TRAPPC8: variants seen among roughly 807,000 people sequenced by gnomAD.
TRAPPC8 encodes the protein general sporulation gene 1 homolog.
A neutral mutation model predicts 174.3 loss-of-function variants in TRAPPC8; 54 were observed. That is an observed-to-expected ratio of 0.31 (90% CI 0.25 to 0.39). The LOEUF (loss-of-function observed/expected upper bound fraction) is 0.39, where lower values mean the gene tolerates loss of function less well. Among genes scored for constraint, TRAPPC8 ranks in the 10% least tolerant of loss-of-function variants. The pLI is 1.00. For synonymous variants in TRAPPC8, 630 were observed against 579.9 expected, an observed-to-expected ratio of 1.09 and a Z score of -1.24; for missense variants, 1,531 against 1,699.1, an observed-to-expected ratio of 0.90 and a Z score of 1.74.
In TRAPPC8 at chr18:31,842,281, AAC is replaced by A. The variant is rs145924851; in HGVS notation, c.3838-2826_3838-2825del. On this transcript the variant is annotated intron_variant, in intron 26 of 28. Transcript: ENST00000283351. ...GTAATGGTGAGATGTTAATCACTACAACACAGTTAATGTGGATGAATGCCAAT... is the reference window on the plus strand; with the variant it reads ...GTAATGGTGAGATGTTAATCACTACAACAGTTAATGTGGATGAATGCCAAT... 8.5e-3 allele frequency among the ~76,000 whole-genome samples: 1,292 copies of A among 152,336 alleles called. 19 individuals carry two copies. The highest frequency in any genetic ancestry group is 0.029 in the African/African-American group (1,190 of 41,576).
At chr18:31,910,434 AAG>A (rs1438583176) in intron 5 of TRAPPC8, among the ~76,000 whole-genome samples, 1 of 152,202 alleles carries the variant, frequency 6.6e-6, no homozygotes, top group Non-Finnish European at 1.5e-5. Context: ...CTCCTTGAGA[AAG>A]AGTTGCAGAA....
Position 31,831,003 on chromosome 18 carries a change from A to G in TRAPPC8, c.4074-14T>C. ...AGTGCTTCTGGACTAAGGGAGGAGGAAAATGTAAGTTGCAGGATTTTTTTC... is the reference window on the plus strand; with the variant it reads ...AGTGCTTCTGGACTAAGGGAGGAGGGAAATGTAAGTTGCAGGATTTTTTTC... On this transcript the variant is annotated splice_polypyrimidine_tract_variant and intron_variant, in intron 28 of 28. Coordinates refer to ENST00000283351, the MANE Select transcript of TRAPPC8 (RefSeq NM_014939.5). 1 of 1,583,734 alleles carries G rather than the reference A, an allele frequency of 6.3e-7. No homozygotes were observed. Among genetic ancestry groups the G allele is most frequent in the East Asian group, 2.2e-5 (1 of 44,448 alleles).
chr18:31,857,343 G>T (rs2034075571), intron 20 of TRAPPC8, among the ~76,000 whole-genome samples, 197 bp downstream of exon 20: 1 of 152,090 alleles, frequency 6.6e-6, no homozygotes, highest in African/African-American at 2.4e-5. Context: ...AAAAATGTGT[G>T]CCGTTAAATT....
chr18:31,933,020 A>AAAAAAAAAAAAG (rs1568153937), intron 1 of TRAPPC8, among the ~76,000 whole-genome samples: 3 of 128,954 alleles, frequency 2.3e-5, no homozygotes, highest in African/African-American at 9.2e-5. Flanking sequence ...AAAAAAAAAA[A>AAAAAAAAAAAAG]GCCGGGCGCA....
chr18:31,834,088 G>GGTTGTTGTT (rs35486513), intron 27 of TRAPPC8, among the ~76,000 whole-genome samples: 46 of 149,028 alleles, frequency 3.1e-4, no homozygotes, highest in African/African-American at 1.1e-3. Context: ...ATCACATTTT[G>GGTTGTTGTT]GTTGTTGTTG....
intron 10 of TRAPPC8, 119 bp downstream of exon 10, chr18:31,900,806 C>A (rs899051413): frequency 1.5e-4 from 109 of 725,182 alleles, no homozygotes; most frequent in Non-Finnish European, 1.7e-4. Context: ...TTAAAAATCA[C>A]CTCAACTTGT....
intron 27 of TRAPPC8, among the ~76,000 whole-genome samples, chr18:31,839,103 A>G (rs914844149): frequency 7.2e-5 from 11 of 152,216 alleles, no homozygotes; most frequent in South Asian, 2.1e-4. Context: ...AAAATTACAA[A>G]TATATCACAT....
intron 27 of TRAPPC8, among the ~76,000 whole-genome samples, chr18:31,836,681 A>C (rs1312627989): frequency 1.3e-5 from 2 of 152,110 alleles, no homozygotes; most frequent in African/African-American, 4.8e-5. Context: ...ACTTAAGAAA[A>C]TCCAGATGCC....
chr18:31,862,852 G>A (rs1428562005), intron 19 of TRAPPC8, among the ~76,000 whole-genome samples: 2 of 152,022 alleles, frequency 1.3e-5, no homozygotes, highest in Non-Finnish European at 2.9e-5. Flanking sequence ...TCAGGAGATT[G>A]AGACCATCCT....
intron 2 of TRAPPC8, among the ~76,000 whole-genome samples, chr18:31,927,681 G>A (rs2037675625): frequency 1.3e-5 from 2 of 152,186 alleles, no homozygotes; most frequent in Non-Finnish European, 2.9e-5. Context: ...GGGATTAGAG[G>A]CCTGAGCGAC....
At chr18:31,867,598 A>ACGGCGC in intron 16 of TRAPPC8, 122 bp from the exon 17 acceptor site, 1 of 672,096 alleles carries the variant, frequency 1.5e-6, no homozygotes. Flanking sequence ...CTTGGTTTTT[A>ACGGCGC]CCACATGCTG....
At chr18:31,854,274 T>C (rs189854095) in intron 21 of TRAPPC8, among the ~76,000 whole-genome samples, 1 of 152,314 alleles carries the variant, frequency 6.6e-6, no homozygotes, top group Admixed American at 6.5e-5. Flanking sequence ...ATCAAAATTA[T>C]GGCATTTTCT....
chr18:31,880,887 T>A (rs1391201488), intron 12 of TRAPPC8, among the ~76,000 whole-genome samples: 6 of 151,814 alleles, frequency 4.0e-5, no homozygotes, highest in African/African-American at 1.5e-4. Context: ...AAGTAAGAAC[T>A]CAATCCCATT....
chr18:31,840,590 G>A (rs1471924650), intron 26 of TRAPPC8, among the ~76,000 whole-genome samples: 4 of 152,172 alleles, frequency 2.6e-5, no homozygotes, highest in Non-Finnish European at 5.9e-5. Flanking sequence ...TAGCCCATGG[G>A]CTAAATCCAG....
chr18:31,835,025 A>ATTC (rs2032628029), intron 27 of TRAPPC8, among the ~76,000 whole-genome samples: 1 of 152,110 alleles, frequency 6.6e-6, no homozygotes, highest in Non-Finnish European at 1.5e-5. Context: ...GTTCTTAATG[A>ATTC]TTTCTTTCTA....
chr18:31,937,302 G>A (rs554823774), intron 1 of TRAPPC8, among the ~76,000 whole-genome samples: 4 of 152,202 alleles, frequency 2.6e-5, no homozygotes, highest in Admixed American at 6.5e-5. Context: ...AATCCAAAGC[G>A]GGTAAATTGC....
In TRAPPC8 at chr18:31,943,032, A is replaced by T; in HGVS notation, c.-268T>A. On this transcript the variant is annotated 5_prime_UTR_variant, in exon 1 of 29. Coordinates refer to ENST00000283351, the MANE Select transcript of TRAPPC8 (RefSeq NM_014939.5). ...CACCCCGATAGGTGGAGACGCCGAC[A>T]GTCACCACTTAGTCCTTCGGACGGC... The T allele has an allele frequency of 1.8e-6, 1 of 565,924 alleles. No homozygotes were observed. Among genetic ancestry groups the T allele is most frequent in the Non-Finnish European group, 2.7e-6 (1 of 377,006 alleles). The allele number at this position is 565,924 out of a possible 1,614,324, so 35.1% of individuals were successfully genotyped here. A position where few individuals can be genotyped will look rare whatever the true frequency, so the allele number is the denominator to read the frequency against.
intron 22 of TRAPPC8, 29 bp downstream of exon 22, chr18:31,853,820 T>G: frequency 6.5e-7 from 1 of 1,546,148 alleles, no homozygotes; most frequent in Non-Finnish European, 8.8e-7. Flanking sequence ...GTTTCAAAAT[T>G]TATTATGTAG....
chr18:31,866,760 A>G, intron 18 of TRAPPC8, 89 bp downstream of exon 18: 2 of 1,464,420 alleles, frequency 1.4e-6, no homozygotes, highest in Non-Finnish European at 1.8e-6. Context: ...CATTAAACCT[A>G]TTTAGAAAAT....
Sources: allele counts gnomAD v4.1 joint callset (sites outside exome capture counted in the v4.1 genomes callset), GRCh38; gene constraint gnomAD v4.1.1; transcripts MANE v1.5; gene names NCBI Gene and HGNC (gene_info 2026-07-23, HGNC 2026-07-21).